Variants in NCEH1 observed in about 807,000 individuals in gnomAD.
NCEH1 encodes neutral cholesterol ester hydrolase 1.
NCEH1 carries 9 observed loss-of-function variants against 25.4 expected under a neutral mutation model. The observed-to-expected ratio is 0.35, with a 90% CI of 0.21 to 0.62. The LOEUF is 0.62. Ranked by LOEUF, NCEH1 falls within the 20% of genes least tolerant of loss-of-function variation. NCEH1 has a pLI of 0.72. For synonymous variants in NCEH1, 200 were observed against 199.8 expected (o/e 1.00, Z -0.01); for missense variants, 412 against 501.1 (o/e 0.82, Z 1.70).
rs1189685961 is a variant in NCEH1 at position 172,662,898 on chromosome 3, C to G, written c.139-14784G>C. 1.2e-4 allele frequency among the ~76,000 whole-genome samples: 17 copies of G among 144,594 alleles called. No individual in the cohort carries two copies. In the East Asian group the frequency reaches 3.4e-3, roughly 28 times the overall value. 94.9% of individuals were successfully genotyped at this position (144,594 alleles called of 152,430 possible). ...TAGCGGTCTATCAATTTTGTTGATC[C>G]TTTCAAAAAACCAGCTCCTGGATTC... On this transcript the variant is annotated intron_variant, in intron 1 of 4. Coordinates refer to ENST00000475381, the MANE Select transcript of NCEH1 (RefSeq NM_020792.6).
chr3:172,648,259 CAATTG>C (rs1437382145), intron 1 of NCEH1, 145 bp from the exon 2 acceptor site: 2 of 903,720 alleles, frequency 2.2e-6, no homozygotes, highest in African/African-American at 3.4e-5. Flanking sequence ...ATACAAAAAC[CAATTG>C]TATTTACCTT....
At chr3:172,645,390 G>A (rs1345610451) in intron 3 of NCEH1, among the ~76,000 whole-genome samples, 1 of 152,044 alleles carries the variant, frequency 6.6e-6, no homozygotes, top group Non-Finnish European at 1.5e-5. Flanking sequence ...CCTTTTTTCA[G>A]TTTTCAAAAC....
Position 172,667,182 on chromosome 3 carries a change from C to T in NCEH1, c.139-19068G>A, listed in dbSNP as rs148697433. 5.1e-3 allele frequency among the ~76,000 whole-genome samples: 771 copies of T among 152,318 alleles called. 2 individuals carry two copies. Among genetic ancestry groups the T allele is most frequent in the Non-Finnish European group, 6.0e-3 (406 of 68,034 alleles). ...GTCTTCTGTGGCCAAATTTTAGTCTCAATGCGTCCCATCAGCAGGGAAAAC... is the reference window on the plus strand; with the variant it reads ...GTCTTCTGTGGCCAAATTTTAGTCTTAATGCGTCCCATCAGCAGGGAAAAC... On this transcript the variant is annotated intron_variant, in intron 1 of 4. Transcript: ENST00000475381.
At chr3:172,691,963 A>G (rs1322194221) in intron 1 of NCEH1, among the ~76,000 whole-genome samples, 1 of 22,000 alleles carries the variant, frequency 4.5e-5, no homozygotes, top group Non-Finnish European at 1.3e-4. Context: ...AAAAAAAAAA[A>G]AAAAAGAAAG....
At chr3:172,647,839 C>A in intron 2 of NCEH1, 47 bp downstream of exon 2, 1 of 1,609,468 alleles carries the variant, frequency 6.2e-7, no homozygotes, top group East Asian at 2.2e-5. Flanking sequence ...GCATCTCCCC[C>A]AAGGCCAACC....
At chr3:172,651,004 A>G (rs1252458584) in intron 1 of NCEH1, among the ~76,000 whole-genome samples, 1 of 152,146 alleles carries the variant, frequency 6.6e-6, no homozygotes, top group African/African-American at 2.4e-5. Context: ...TGAAAACTTG[A>G]AAATTGATAT....
chr3:172,652,200 G>A (rs1717433224), intron 1 of NCEH1, among the ~76,000 whole-genome samples: 1 of 152,236 alleles, frequency 6.6e-6, no homozygotes, highest in Admixed American at 6.5e-5. Flanking sequence ...GCTCCAGCTG[G>A]TGAGGGAAAA....
Position 172,636,048 on chromosome 3 carries a change from A to T in NCEH1, c.477T>A (p.Ile159=). The change falls in exon 4 of 5, where the codon ATT becomes ATA. Residue 159 remains isoleucine (I), a synonymous_variant. Transcript: ENST00000475381. ...LVPKVYFPEQ[I]HDVVRATKYF... ...ACTTTGTGGCCCGTACAACATCATG[A>T]ATTTGCTCAGGAAAATAAACCTTTG... is the stretch of plus-strand genomic sequence containing the variant. 1 of 1,614,098 alleles carries T rather than the reference A, an allele frequency of 6.2e-7. No individual in the cohort carries two copies. Among genetic ancestry groups the T allele is most frequent in the Non-Finnish European group, 8.5e-7 (1 of 1,179,970 alleles).
intron 1 of NCEH1, among the ~76,000 whole-genome samples, chr3:172,673,503 A>G (rs1470372206): frequency 6.6e-6 from 1 of 152,270 alleles, no homozygotes; most frequent in East Asian, 1.9e-4. Context: ...GACTCCAAGT[A>G]TGCTTTCCTG....
At chr3:172,650,089 TC>T (rs1717323373) in intron 1 of NCEH1, among the ~76,000 whole-genome samples, 1 of 152,242 alleles carries the variant, frequency 6.6e-6, no homozygotes, top group African/African-American at 2.4e-5. Context: ...TTCACACCTT[TC>T]CAGAAACATC....
At chr3:172,668,385 C>T (rs556531841) in intron 1 of NCEH1, among the ~76,000 whole-genome samples, 42 of 111,150 alleles carry the variant, frequency 3.8e-4, no homozygotes, top group African/African-American at 1.3e-3. Context: ...GAGAGAGTCT[C>T]GCTCTGTTGC....
At chr3:172,642,130 G>A (rs1273872087) in intron 3 of NCEH1, among the ~76,000 whole-genome samples, 2 of 151,904 alleles carry the variant, frequency 1.3e-5, no homozygotes, top group African/African-American at 2.4e-5. Context: ...AGAAAGAAGC[G>A]AGCCACTGAG....
At chr3:172,703,730 T>G (rs1051849521) in intron 1 of NCEH1, among the ~76,000 whole-genome samples, 1 of 152,108 alleles carries the variant, frequency 6.6e-6, no homozygotes, top group South Asian at 2.1e-4. Flanking sequence ...AGGGTTATAT[T>G]TGTAGAAGTA....
At position 172,710,963 on chromosome 3, in the gene NCEH1, G is replaced by C. The variant is rs1229553950; in HGVS notation, c.22C>G (p.Leu8Val). The C allele has an allele frequency of 2.5e-6, 4 of 1,613,998 alleles. No homozygotes were observed. The Admixed American group carries it at 6.7e-5, about 27-fold the overall frequency. Residue 8 changes from leucine to valine, a missense_variant, in exon 1 of 5, where the codon CTC becomes GTC. By Grantham distance (32) the Leu-to-Val change is conservative. Around this residue, in one of 3 missense-constraint regions of NCEH1, gnomAD observed 178 missense variants for 189.2 expected, o/e 0.94. Coordinates refer to ENST00000475381, the MANE Select transcript of NCEH1 (RefSeq NM_020792.6). ...GCGGCCAGCGCCACCAGGGCGGTGA[G>C]CAGGACACAGGACGACCTCATCTTG... MRSSCVL[L>V]TALVALAAYY...
At chr3:172,685,355 C>T (rs1712639233) in intron 1 of NCEH1, among the ~76,000 whole-genome samples, 1 of 152,206 alleles carries the variant, frequency 6.6e-6, no homozygotes, top group Non-Finnish European at 1.5e-5. Context: ...ATAATTCTCT[C>T]TAGTCTAGGT....
At position 172,668,508 on chromosome 3, in the gene NCEH1, C is replaced by T. The variant is rs1271757584; in HGVS notation, c.139-20394G>A. 2.0e-5 allele frequency among the ~76,000 whole-genome samples: 3 copies of T among 152,142 alleles called. No individual in the cohort carries two copies. The East Asian group carries it at 5.8e-4, about 29-fold the overall frequency. Reference sequence around the variant, plus strand: ...TAGCTGGGACTACAGGCACCTGCCACCACACCTGGCTAATTTTTGTATTTT... The same window carrying T: ...TAGCTGGGACTACAGGCACCTGCCATCACACCTGGCTAATTTTTGTATTTT... On this transcript the variant is annotated intron_variant, in intron 1 of 4. Coordinates refer to ENST00000475381, the MANE Select transcript of NCEH1 (RefSeq NM_020792.6).
chr3:172,666,359 A>C lies in NCEH1; in HGVS notation c.139-18245T>G, dbSNP rs190069002. On this transcript the variant is annotated intron_variant, in intron 1 of 4. Coordinates refer to ENST00000475381, the MANE Select transcript of NCEH1 (RefSeq NM_020792.6). ...GACCAGGTGTTTTGCAGGCTACATA[A>C]ATGACACACCTGGTCAAACCAATCC... 6.6e-5 allele frequency among the ~76,000 whole-genome samples: 10 copies of C among 152,238 alleles called. No individual in the cohort carries two copies. In the East Asian group the frequency reaches 1.9e-3, roughly 29 times the overall value.
At position 172,652,054 on chromosome 3, in the gene NCEH1, A is replaced by G. The variant is rs188053626; in HGVS notation, c.139-3940T>C. 3.2e-3 allele frequency among the ~76,000 whole-genome samples: 483 copies of G among 152,320 alleles called. 4 individuals carry two copies. The highest frequency in any genetic ancestry group is 0.011 in the African/African-American group (470 of 41,580). ...CCCTGGGGTACAAAAACTCCCAGAT[A>G]GGTCTGTGGAATCTGAAGCAGCTGA... On this transcript the variant is annotated intron_variant, in intron 1 of 4. Transcript: ENST00000475381.
Position 172,705,582 on chromosome 3 carries a change from C to A in NCEH1, c.138+5265G>T, listed in dbSNP as rs575856056. Among the ~76,000 whole-genome samples the A allele has an allele frequency of 2.0e-5, 3 of 152,314 alleles. No individual in the cohort carries two copies. The South Asian group carries it at 6.2e-4, about 32-fold the overall frequency. On this transcript the variant is annotated intron_variant, in intron 1 of 4. Coordinates refer to ENST00000475381, the MANE Select transcript of NCEH1 (RefSeq NM_020792.6). ...TCCTGCCCTGCCTGCCACCACTGGA[C>A]TGTAGAAAGACAGATATGTTGTCCA...
Sources: allele counts gnomAD v4.1 joint callset (sites outside exome capture counted in the v4.1 genomes callset), GRCh38; gene constraint gnomAD v4.1.1; regional missense constraint gnomAD v4.1.1; transcripts MANE v1.5; gene names NCBI Gene and HGNC (gene_info 2026-07-23, HGNC 2026-07-21).